Variants in TRPM2 observed in about 807,000 individuals in gnomAD.
The protein encoded by TRPM2 is transient receptor potential cation channel subfamily M member 2, also known as estrogen-responsive element-associated gene 1 protein.
A neutral mutation model predicts 174.0 loss-of-function variants in TRPM2; 161 were observed. The observed-to-expected ratio is 0.93, with a 90% CI of 0.81 to 1.05. The LOEUF (loss-of-function observed/expected upper bound fraction) is 1.05. TRPM2 is among the 50% of genes least tolerant of loss of function. The pLI is 0.00. For missense variants in TRPM2, 2,057 were observed against 2,038.0 expected, an observed-to-expected ratio of 1.01 and a Z score of -0.18; for synonymous variants, 954 against 861.3, an observed-to-expected ratio of 1.11 and a Z score of -1.88.
At chr21:44,433,837 G>A (rs2051122949) in intron 27 of TRPM2, among the ~76,000 whole-genome samples, 1 of 152,206 alleles carries the variant, frequency 6.6e-6, no homozygotes, top group East Asian at 1.9e-4. Context: ...ATCGCTGTGG[G>A]CTCGGGCAGG....
At chr21:44,386,245 C>T (rs990209480) in intron 9 of TRPM2, among the ~76,000 whole-genome samples, 16 of 152,112 alleles carry the variant, frequency 1.1e-4, no homozygotes, top group East Asian at 1.9e-4. Context: ...ATTAGCTGGG[C>T]GTGGTGGCGA....
chr21:44,397,485 TG>T (rs2049465391), intron 12 of TRPM2, among the ~76,000 whole-genome samples: 3 of 152,206 alleles, frequency 2.0e-5, no homozygotes, highest in Admixed American at 2.0e-4. Context: ...GTGCATGTGC[TG>T]GGCCCGTGCT....
chr21:44,422,767 G>A (rs1412912076), intron 22 of TRPM2, among the ~76,000 whole-genome samples: 2 of 148,144 alleles, frequency 1.4e-5, no homozygotes, highest in Admixed American at 1.4e-4. Flanking sequence ...TAATAGCGCC[G>A]CTCTACAACC....
Position 44,376,567 on chromosome 21 carries a change from AT to A in TRPM2, c.952+555del, listed in dbSNP as rs1267712927. Among the ~76,000 whole-genome samples the A allele has an allele frequency of 6.6e-5, 10 of 152,304 alleles. No homozygotes were observed. The highest frequency in any genetic ancestry group is 2.0e-4 in the Admixed American group (3 of 15,310). On this transcript the variant is annotated intron_variant, in intron 6 of 31. Coordinates refer to ENST00000397928, the MANE Select transcript of TRPM2 (RefSeq NM_003307.4). This position sits in a 1 kb window ranked among gnomAD's most constrained non-coding sequence, Gnocchi z 4.2. ...GGCCCTACAATTATTTTAAACCTTG[AT>A]CATGGTCTGCTCTCAGGTTCAGAAA...
Position 44,418,466 on chromosome 21 carries a change from G to A in TRPM2, c.3372G>A (p.Trp1124Ter). The A allele has an allele frequency of 6.2e-7, 1 of 1,613,878 alleles. No homozygotes were observed. The change falls in exon 22 of 32, where the codon TGG becomes TGA. Residue 1124 changes from tryptophan to a stop codon, truncating the protein, a stop_gained. Transcript: ENST00000397928. LOFTEE classifies it high-confidence loss of function. ...EKNEEAALLSWEIYLKENYLQ... is the reference protein window; with the variant it reads ...EKNEEAALLS ...ACGAGGAGGCGGCCCTGCTATCCTG[G>A]GAGATCTACCTGAAGGAGAACTACC...
intron 9 of TRPM2, among the ~76,000 whole-genome samples, chr21:44,389,073 T>C (rs2049097964): frequency 6.6e-6 from 1 of 152,152 alleles, no homozygotes; most frequent in Non-Finnish European, 1.5e-5. Flanking sequence ...TGGCCCTTTG[T>C]AGTTAAGCCT....
chr21:44,406,895 T>C (rs1019226973), intron 19 of TRPM2, 130 bp downstream of exon 19: 14 of 1,244,380 alleles, frequency 1.1e-5, no homozygotes, highest in African/African-American at 1.1e-4. Flanking sequence ...CTGGCCGGTG[T>C]CCTCCCTGGG....
rs1480691718 is a variant in TRPM2, at chr21:44,406,691, T to C, written c.2888T>C (p.Val963Ala). The change falls in exon 19 of 32, where the codon GTG (valine) becomes GCG (alanine). Residue 963 changes from valine to alanine, a missense_variant. Physicochemically the swap from Val to Ala is moderately conservative, Grantham distance 64. Coordinates refer to ENST00000397928, the MANE Select transcript of TRPM2 (RefSeq NM_003307.4). ...ATCCTCATCCACAACGAGCGCCGGGTGGACTGGCTGTTCCGAGGGGCCGTC... is the reference window on the plus strand; with the variant it reads ...ATCCTCATCCACAACGAGCGCCGGGCGGACTGGCTGTTCCGAGGGGCCGTC... ...QAILIHNERR[V>A]DWLFRGAVYH... 1.2e-6 allele frequency: 2 copies of C among 1,609,830 alleles called. No homozygotes were observed. The highest frequency in any genetic ancestry group is 1.7e-6 in the Non-Finnish European group (2 of 1,179,346).
chr21:44,379,044 G>A lies in TRPM2; in HGVS notation c.1062G>A (p.Glu354=), dbSNP rs140170729. The change falls in exon 8 of 32, where the codon GAG becomes GAA. Residue 354 remains glutamate (E), a synonymous_variant. Coordinates refer to ENST00000397928, the MANE Select transcript of TRPM2 (RefSeq NM_003307.4). ...ACGGCACCCCCTGTGTGGTTGTGGA[G>A]GGCTCGGGCCGCGTGGCCGACGTCA... ...TTNGTPCVVV[E]GSGRVADVIA... is the part of the protein sequence containing the mutation. The A allele has an allele frequency of 1.5e-4, 237 of 1,610,672 alleles. 2 individuals are homozygous for A. In the African/African-American group the frequency reaches 2.5e-3, roughly 17 times the overall value.
chr21:44,364,364 G>A (rs2048300088), intron 3 of TRPM2, 82 bp downstream of exon 3: 29 of 1,532,408 alleles, frequency 1.9e-5, no homozygotes, highest in Non-Finnish European at 2.6e-5. Flanking sequence ...GCATTTCCTG[G>A]GGCAAGAGCA....
intron 19 of TRPM2, among the ~76,000 whole-genome samples, chr21:44,412,813 G>A (rs775406687): frequency 4.6e-5 from 7 of 151,872 alleles, no homozygotes; most frequent in Non-Finnish European, 8.8e-5. Flanking sequence ...GGGAAGTTAC[G>A]TTAATAATTT....
intron 27 of TRPM2, among the ~76,000 whole-genome samples, chr21:44,427,674 TG>T (rs1357019111): frequency 6.6e-6 from 1 of 151,980 alleles, no homozygotes; most frequent in Admixed American, 6.6e-5. Context: ...AACCTGGGAC[TG>T]GGGGGTTGCC....
intron 23 of TRPM2, 68 bp downstream of exon 23, chr21:44,423,800 T>A: frequency 7.6e-7 from 1 of 1,318,320 alleles, no homozygotes; most frequent in Non-Finnish European, 1.1e-6. Context: ...CTCTGCCATG[T>A]GGTGGCACCA....
intron 9 of TRPM2, among the ~76,000 whole-genome samples, chr21:44,384,777 T>C (rs1397771061): frequency 6.6e-6 from 1 of 152,202 alleles, no homozygotes; most frequent in Non-Finnish European, 1.5e-5. Flanking sequence ...TGAATAGACC[T>C]ATAAGTAGTA....
At position 44,405,348 on chromosome 21, in the gene TRPM2, C is replaced by T. The variant is rs1016620158; in HGVS notation, c.2657+88C>T. On this transcript the variant is annotated intron_variant, in intron 17 of 31. Coordinates refer to ENST00000397928, the MANE Select transcript of TRPM2 (RefSeq NM_003307.4). ...CAGGCCGGGCCCAGAACCAGCCACA[C>T]CGGGTGAGGCTCAGCTCGTCTGTGA... The T allele has an allele frequency of 1.0e-4, 161 of 1,568,674 alleles. 1 individual carries two copies. In the East Asian group the frequency reaches 2.7e-3, roughly 26 times the overall value.
rs1260592261 is a variant in TRPM2, at chr21:44,406,769, G to C, written c.2962+4G>C. ...CAGATCCCGGGCTACATCGACGGTA[G>C]GAGCCGGGCGCCATGGGAGCTCGGG... On this transcript the variant is annotated splice_donor_region_variant and intron_variant, in intron 19 of 31. Transcript: ENST00000397928. The C allele has an allele frequency of 6.3e-7, 1 of 1,596,568 alleles. No homozygotes were observed. Among genetic ancestry groups the C allele is most frequent in the Non-Finnish European group, 8.5e-7 (1 of 1,173,880 alleles).
chr21:44,419,919 T>C (rs1400404572), intron 22 of TRPM2, among the ~76,000 whole-genome samples: 9 of 129,160 alleles, frequency 7.0e-5, no homozygotes, highest in Admixed American at 2.5e-4. Context: ...ACAGTGGTGG[T>C]AGTGATGGTA....
chr21:44,404,380 TACAC>T (rs139087554), intron 16 of TRPM2, among the ~76,000 whole-genome samples: 170 of 150,518 alleles, frequency 1.1e-3, no homozygotes, highest in Non-Finnish European at 8.2e-4. Flanking sequence ...CACACATACA[TACAC>T]ACACATATGT....
intron 5 of TRPM2, among the ~76,000 whole-genome samples, chr21:44,373,384 T>A (rs2048597636): frequency 6.6e-6 from 1 of 151,992 alleles, no homozygotes; most frequent in African/African-American, 2.4e-5. Context: ...ACAGGGTTTC[T>A]CCATGTTGGC....
Sources: allele counts gnomAD v4.1 joint callset (sites outside exome capture counted in the v4.1 genomes callset), GRCh38; gene constraint gnomAD v4.1.1; non-coding constraint Gnocchi (gnomAD v3.1); transcripts MANE v1.5; gene names NCBI Gene and HGNC (gene_info 2026-07-23, HGNC 2026-07-21).